BLTP1: variants seen among roughly 807,000 people sequenced by gnomAD.
The protein encoded by BLTP1 is fragile site-associated protein.
the BLTP1 span, chr4:122,247,188 A>G: frequency 6.2e-7 from 1 of 1,613,186 alleles, no homozygotes; most frequent in Non-Finnish European, 8.5e-7. Context: ...CAAACAATGC[A>G]GAACCTGGTA....
the BLTP1 span, chr4:122,231,531 ATT>A: frequency 2.1e-6 from 1 of 476,616 alleles, no homozygotes. Flanking sequence ...TGTTGCTAGT[ATT>A]TTACAGTTTG....
At chr4:122,246,390 G>C in the BLTP1 span, 4 of 1,212,010 alleles carry the variant, frequency 3.3e-6, no homozygotes, top group South Asian at 5.3e-5. Flanking sequence ...AATAATGGTA[G>C]AACAGTGTGT....
the BLTP1 span, chr4:122,190,125 G>C: frequency 2.5e-6 from 4 of 1,598,364 alleles, no homozygotes; most frequent in Non-Finnish European, 3.4e-6. Context: ...GTGACAGAGT[G>C]AGACTCTGTC....
the BLTP1 span, chr4:122,292,456 G>T: frequency 2.4e-6 from 2 of 839,922 alleles, no homozygotes; most frequent in Non-Finnish European, 2.9e-6. Context: ...AAAAATCTAA[G>T]ATTATTTCAG....
the BLTP1 span, chr4:122,185,507 T>A: frequency 1.2e-6 from 1 of 802,450 alleles, no homozygotes; most frequent in Non-Finnish European, 1.5e-6. Context: ...TATTTCTACT[T>A]AATGTAATTA....
At chr4:122,201,400 G>A in the BLTP1 span, among the ~76,000 whole-genome samples, 2 of 152,282 alleles carry the variant, frequency 1.3e-5, no homozygotes, top group East Asian at 3.9e-4. Context: ...TCTAGTTGGA[G>A]GGTAGGATGG....
chr4:122,333,640 G>A, the BLTP1 span: 84 of 1,596,996 alleles, frequency 5.3e-5, no homozygotes, highest in Non-Finnish European at 6.4e-5. Flanking sequence ...AGTTATGATC[G>A]AAGTTCCAGG....
At chr4:122,241,009 T>G in the BLTP1 span, among the ~76,000 whole-genome samples, 1 of 152,052 alleles carries the variant, frequency 6.6e-6, no homozygotes, top group Non-Finnish European at 1.5e-5. Context: ...GAGCTTATGG[T>G]TTAGAGGTGG....
chr4:122,224,620 C>T, the BLTP1 span: 238 of 1,614,032 alleles, frequency 1.5e-4, no homozygotes, highest in Non-Finnish European at 1.8e-4. Flanking sequence ...CCTTAGAATA[C>T]GCATGGTTAA....
chr4:122,211,023 A>G, the BLTP1 span: 2 of 1,613,610 alleles, frequency 1.2e-6, no homozygotes, highest in Admixed American at 3.3e-5. Context: ...AACTTCATGT[A>G]GAAATGGAAC....
chr4:122,167,152 C>A, the BLTP1 span, among the ~76,000 whole-genome samples: 9,761 of 152,120 alleles, frequency 0.064, 886 homozygotes, highest in African/African-American at 0.2. Context: ...GAACATATGC[C>A]TGCACATATA....
the BLTP1 span, chr4:122,189,301 A>C: frequency 1.0e-6 from 1 of 979,780 alleles, no homozygotes; most frequent in Non-Finnish European, 1.2e-6. Context: ...ATATGCAAGA[A>C]GATATTGTGA....
the BLTP1 span, chr4:122,154,435 C>A: frequency 1.0e-6 from 1 of 985,066 alleles, no homozygotes; most frequent in Non-Finnish European, 1.2e-6. Flanking sequence ...GCTATTGATA[C>A]CTGATTGACA....
At chr4:122,186,889 G>A in the BLTP1 span, 2 of 292,146 alleles carry the variant, frequency 6.8e-6, no homozygotes, top group Non-Finnish European at 1.0e-5. Context: ...CTTAACATTT[G>A]TGTACTTTGT....
the BLTP1 span, among the ~76,000 whole-genome samples, chr4:122,190,791 A>G: frequency 6.6e-6 from 1 of 152,110 alleles, no homozygotes; most frequent in Non-Finnish European, 1.5e-5. Flanking sequence ...GGTGGCTTCC[A>G]TTTTCTAAAA....
the BLTP1 span, chr4:122,343,286 C>A: frequency 8.1e-7 from 1 of 1,228,514 alleles, no homozygotes; most frequent in Admixed American, 2.6e-5. Flanking sequence ...TCTGTTAAAT[C>A]TATTGATCTG....
the BLTP1 span, among the ~76,000 whole-genome samples, chr4:122,219,772 A>G: frequency 1.3e-5 from 2 of 152,224 alleles, no homozygotes; most frequent in East Asian, 3.9e-4. Context: ...TTTTTCTTCT[A>G]ATTTAACTTT....
the BLTP1 span, among the ~76,000 whole-genome samples, chr4:122,201,361 A>G: frequency 6.6e-6 from 1 of 152,174 alleles, no homozygotes; most frequent in Non-Finnish European, 1.5e-5. Context: ...AAATGAAAGA[A>G]CTCAATTTAG....
At chr4:122,192,603 G>C in the BLTP1 span, among the ~76,000 whole-genome samples, 1 of 151,980 alleles carries the variant, frequency 6.6e-6, no homozygotes. Context: ...AATTCTGATT[G>C]ATTAGAATTA....
Sources: allele counts gnomAD v4.1 joint callset (sites outside exome capture counted in the v4.1 genomes callset), GRCh38; gene constraint gnomAD v4.1.1; transcripts MANE v1.5; gene names NCBI Gene and HGNC (gene_info 2026-07-23, HGNC 2026-07-21).